The following PLIN2 variants were observed in gnomAD, a reference collection of about 807,000 sequenced individuals.
The protein encoded by PLIN2 is perilipin 2, also known as perilipin-2.
In PLIN2, 33 loss-of-function variants were observed where a neutral mutation model predicts 30.6. The observed-to-expected ratio is 1.08, with a 90% CI of 0.82 to 1.44. The LOEUF (loss-of-function observed/expected upper bound fraction) is 1.44. Among genes scored for constraint, PLIN2 ranks in the 40% most tolerant of loss-of-function variants. PLIN2 has a pLI of 0.00. For missense variants in PLIN2, 610 were observed against 531.8 expected, an observed-to-expected ratio of 1.15 and a Z score of -1.45; for synonymous variants, 205 against 201.1, an observed-to-expected ratio of 1.02 and a Z score of -0.16.
At chr9:19,111,537 C>G (rs1001049707), downstream of PLIN2, among the ~76,000 whole-genome samples, 1 of 152,112 alleles carries the variant, frequency 6.6e-6, no homozygotes, top group Admixed American at 6.6e-5. Context: ...CCTCACCAGT[C>G]CTAAAAATAC....
chr9:19,126,487 A>G, intron 1 of PLIN2, 39 bp from the exon 2 acceptor site: 3 of 1,306,944 alleles, frequency 2.3e-6, no homozygotes, highest in Non-Finnish European at 3.3e-6. Flanking sequence ...CCGGGATAAG[A>G]CTCTCCCAAA....
intron 7 of PLIN2, 120 bp downstream of exon 7, chr9:19,118,201 G>C: frequency 1.0e-6 from 1 of 970,022 alleles, no homozygotes; most frequent in Non-Finnish European, 1.5e-6. Flanking sequence ...CTATGTACAT[G>C]GTATTGTTCA....
rs181454834 is a variant in PLIN2, at chr9:19,108,784, C to G, written n.418-37G>C. 7 of 152,658 alleles carry G rather than the reference C, an allele frequency of 4.6e-5. No individual in the cohort carries two copies. The East Asian group carries it at 9.7e-4, about 21-fold the overall frequency. The allele number at this position is 152,658 out of a possible 1,614,324, so 9.5% of individuals were successfully genotyped here. Reference sequence around the variant, plus strand: ...GAATCTTGGATATTGAAACAAACACCGATGAAGTGAGTTGTCAGGTCCATC... The same window carrying G: ...GAATCTTGGATATTGAAACAAACACGGATGAAGTGAGTTGTCAGGTCCATC... On this transcript the variant is annotated intron_variant and non_coding_transcript_variant, in intron 2 of 2. Transcript: ENST00000464326.
chr9:19,111,380 C>T (rs1471529028), downstream of PLIN2, among the ~76,000 whole-genome samples: 1 of 152,158 alleles, frequency 6.6e-6, no homozygotes, highest in Non-Finnish European at 1.5e-5. Context: ...CTGTGTTAAT[C>T]AGCAGTTTCA....
At chr9:19,120,761 G>C (rs1422282492) in intron 5 of PLIN2, 119 bp downstream of exon 5, 3 of 760,614 alleles carry the variant, frequency 3.9e-6, no homozygotes, top group African/African-American at 3.5e-5. Flanking sequence ...TCTGAAACTG[G>C]ATTGCAGTGA....
chr9:19,108,630 C>G (rs1275315893), exon 3 of PLIN2: 1 of 152,626 alleles, frequency 6.6e-6, no homozygotes, highest in Non-Finnish European at 1.5e-5. Context: ...ACATCTTGCC[C>G]TGAGAGGACA....
chr9:19,123,345 G>A, intron 4 of PLIN2: 1 of 1,549,542 alleles, frequency 6.5e-7, no homozygotes, highest in East Asian at 2.4e-5. Context: ...CACACTAAAA[G>A]TTTTCTAATC....
At chr9:19,111,085 T>C (rs1247978033), downstream of PLIN2, among the ~76,000 whole-genome samples, 1 of 151,118 alleles carries the variant, frequency 6.6e-6, no homozygotes, top group East Asian at 2.0e-4. Flanking sequence ...TGAGACGGAG[T>C]CTCGCTCTGT....
At chr9:19,121,356 C>G (rs1191143671) in intron 4 of PLIN2, among the ~76,000 whole-genome samples, 191 bp from the exon 5 acceptor site, 3 of 152,070 alleles carry the variant, frequency 2.0e-5, no homozygotes, top group African/African-American at 4.8e-5. Context: ...ATCTGCCCTA[C>G]CTGCCAATCC....
chr9:19,111,294 C>T (rs539847149), downstream of PLIN2, among the ~76,000 whole-genome samples: 3 of 152,218 alleles, frequency 2.0e-5, no homozygotes, highest in South Asian at 2.1e-4. Flanking sequence ...AGTGATCTGC[C>T]GACTCGGCCT....
At chr9:19,125,914 C>G in intron 3 of PLIN2, 200 bp downstream of exon 3, 1 of 487,594 alleles carries the variant, frequency 2.1e-6, no homozygotes, top group Non-Finnish European at 3.6e-6. Flanking sequence ...TAGAGTGAGA[C>G]TCCATCTCAA....
At position 19,109,754 on chromosome 9, in the gene PLIN2, G is replaced by A. The variant is rs375203283; in HGVS notation, n.418-1007C>T. ...AGGTGGATCATGAGGTCAGGAGTTC[G>A]AGACCAGCCTGGCCAACATGGTGAA... On this transcript the variant is annotated intron_variant and non_coding_transcript_variant, in intron 2 of 2. Transcript: ENST00000464326. 7.7e-4 allele frequency among the ~76,000 whole-genome samples: 117 copies of A among 151,730 alleles called. 1 individual carries two copies. Among genetic ancestry groups the A allele is most frequent in the African/African-American group, 2.4e-3 (98 of 41,412 alleles).
intron 3 of PLIN2, among the ~76,000 whole-genome samples, chr9:19,124,333 T>C (rs1245195140): frequency 6.6e-6 from 1 of 152,136 alleles, no homozygotes; most frequent in African/African-American, 2.4e-5. Flanking sequence ...GTTTAATCCC[T>C]ACCTACGCTT....
chr9:19,118,729 T>A (rs533717447), intron 6 of PLIN2, among the ~76,000 whole-genome samples: 10 of 152,214 alleles, frequency 6.6e-5, no homozygotes, highest in East Asian at 3.9e-4. Context: ...CTACAAAAAA[T>A]TTTTTTTGAG....
Position 19,123,617 on chromosome 9 carries a change from C to A in PLIN2, c.257G>T (p.Gly86Val). ...CAGTCTCTCCTCAATCCTGTCTAGC[C>A]CCTTACAGGCATAGGTATTGGCAAC... Reference protein sequence around the residue: ...IAVANTYACKGLDRIEERLPI... With the variant: ...IAVANTYACKVLDRIEERLPI... Residue 86 changes from glycine to valine, a missense_variant, in exon 4 of 8, where the codon GGG becomes GTG. By Grantham distance (109) the Gly-to-Val change is moderately radical. Coordinates refer to ENST00000276914, the MANE Select transcript of PLIN2 (RefSeq NM_001122.4). 6.2e-7 allele frequency: 1 copy of A among 1,614,018 alleles called. No individual in the cohort carries two copies. Among genetic ancestry groups the A allele is most frequent in the South Asian group, 1.1e-5 (1 of 91,076 alleles).
At chr9:19,109,961 A>G (rs1234853658) in intron 2 of PLIN2, among the ~76,000 whole-genome samples, 2 of 128,596 alleles carry the variant, frequency 1.6e-5, no homozygotes, top group Non-Finnish European at 3.4e-5. Context: ...GTTTACAGGA[A>G]AAAAAAAAAA....
At chr9:19,123,340 TAA>T in intron 4 of PLIN2, 1 of 1,549,198 alleles carries the variant, frequency 6.5e-7, no homozygotes, top group South Asian at 1.2e-5. Flanking sequence ...GACAACACAC[TAA>T]AAGTTTTCTA....
intron 3 of PLIN2, among the ~76,000 whole-genome samples, chr9:19,124,583 C>T (rs72558393): frequency 6.6e-6 from 1 of 152,144 alleles, no homozygotes; most frequent in African/African-American, 2.4e-5. Context: ...AATCTTTATT[C>T]AAAAGCAGTT....
chr9:19,114,291 A>G (rs966134209), downstream of PLIN2, among the ~76,000 whole-genome samples: 1 of 152,108 alleles, frequency 6.6e-6, no homozygotes, highest in Non-Finnish European at 1.5e-5. Flanking sequence ...TTTCATGGAG[A>G]GAAAGGGGTG....
Sources: gnomAD v4.1 joint callset for allele counts (sites outside exome capture counted in the v4.1 genomes callset) on GRCh38, gnomAD v4.1.1 for gene constraint, MANE v1.5 for transcripts, NCBI Gene and HGNC (gene_info 2026-07-23, HGNC 2026-07-21) for gene names.